RPL19: variants seen among roughly 807,000 people sequenced by gnomAD.
RPL19 encodes large ribosomal subunit protein eL19.
RPL19 carries 2 observed loss-of-function variants against 25.1 expected under a neutral mutation model. That is an observed-to-expected ratio of 0.08 (90% confidence interval 0.03 to 0.25). The LOEUF is 0.25. Ranked by LOEUF, RPL19 falls within the 10% of genes least tolerant of loss-of-function variation. The probability of loss-of-function intolerance (pLI) is 1.00; values close to 1 mark genes in which losing one functional copy is unlikely to be tolerated. For synonymous variants in RPL19, 89 were observed against 91.2 expected, an observed-to-expected ratio of 0.98 and a Z score of 0.14; for missense variants, 123 against 271.8, an observed-to-expected ratio of 0.45 and a Z score of 3.85.
chr17:39,200,702 G>A (rs944107273), intron 1 of RPL19: 1 of 1,093,448 alleles, frequency 9.1e-7, no homozygotes, highest in African/African-American at 1.6e-5. Flanking sequence ...GTGATGTAGG[G>A]CAAGCCTAGT....
In RPL19 at chr17:39,200,518, G is replaced by T. The variant is rs567678642; in HGVS notation, c.5+169G>T. Reference sequence around the variant, plus strand: ...TTTCGTCCCGGGCCTCCGGAGTGAGGGGGGGCGGGGAGCGTCGCAGCAACT... The same window carrying T: ...TTTCGTCCCGGGCCTCCGGAGTGAGTGGGGGCGGGGAGCGTCGCAGCAACT... On this transcript the variant is annotated intron_variant, in intron 1 of 5. Coordinates refer to ENST00000225430, the MANE Select transcript of RPL19 (RefSeq NM_000981.4). 7 of 1,299,284 alleles carry T rather than the reference G, an allele frequency of 5.4e-6. No individual in the cohort carries two copies. In the East Asian group the frequency reaches 9.2e-5, roughly 17 times the overall value. The allele number at this position is 1,299,284 out of a possible 1,614,324, so 80.5% of individuals were successfully genotyped here. A position where few individuals can be genotyped will look rare whatever the true frequency, so the allele number is the denominator to read the frequency against.
chr17:39,201,400 CTT>C (rs111516501), intron 2 of RPL19, 81 bp downstream of exon 2: 6,058 of 604,904 alleles, frequency 0.01, 2 homozygotes, highest in African/African-American at 0.017. Flanking sequence ...ATTGTGTTGA[CTT>C]TTTTTTTTTT....
At position 39,200,368 on chromosome 17, in the gene RPL19, C is replaced by T. The variant is rs146700565; in HGVS notation, c.5+19C>T. 4.3e-4 allele frequency: 674 copies of T among 1,563,854 alleles called. 2 individuals carry two copies. The highest frequency in any genetic ancestry group is 8.8e-4 in the Middle Eastern group (4 of 4,568). On this transcript the variant is annotated intron_variant, in intron 1 of 5. Transcript: ENST00000225430. Reference sequence around the variant, plus strand: ...CCATGAGGTGAGGGCGAGCTGGTCTCCATCAGGCGCTGACGCGTGTCGACA... The same window carrying T: ...CCATGAGGTGAGGGCGAGCTGGTCTTCATCAGGCGCTGACGCGTGTCGACA...
At chr17:39,201,446 AGTGTAGTG>A in intron 2 of RPL19, 127 bp downstream of exon 2, 2 of 630,426 alleles carry the variant, frequency 3.2e-6, no homozygotes, top group Non-Finnish European at 5.5e-6. Context: ...TCCAGGCTGG[AGTGTAGTG>A]GTGCCATCTG....
intron 2 of RPL19, among the ~76,000 whole-genome samples, 169 bp from the exon 3 acceptor site, chr17:39,202,148 A>G (rs2046294590): frequency 6.6e-6 from 1 of 152,184 alleles, no homozygotes; most frequent in African/African-American, 2.4e-5. Context: ...GGAAAAAGAA[A>G]AGATAGAGGT....
chr17:39,200,801 G>C (rs1002611979), intron 1 of RPL19: 11 of 1,017,064 alleles, frequency 1.1e-5, no homozygotes, highest in Non-Finnish European at 1.3e-5. Flanking sequence ...GGAAATCTCT[G>C]CGAATAGCCG....
chr17:39,203,535 G>A (rs992389410), intron 4 of RPL19, among the ~76,000 whole-genome samples: 3 of 147,702 alleles, frequency 2.0e-5, no homozygotes, highest in Non-Finnish European at 4.5e-5. Flanking sequence ...TTTGGAGACA[G>A]AGTCTCGCTC....
intron 2 of RPL19, among the ~76,000 whole-genome samples, chr17:39,201,790 T>C (rs2046292126): frequency 6.6e-6 from 1 of 152,056 alleles, no homozygotes; most frequent in South Asian, 2.1e-4. Flanking sequence ...CAGGCTGGTC[T>C]CAAACTCCTG....
chr17:39,200,708 C>A, intron 1 of RPL19: 1 of 1,086,702 alleles, frequency 9.2e-7, no homozygotes. Context: ...TAGGGCAAGC[C>A]TAGTGTAGGC....
intron 3 of RPL19, chr17:39,202,656 C>A: frequency 1.6e-6 from 1 of 621,004 alleles, no homozygotes. Context: ...CCTACCTACA[C>A]TATGCCAAGG....
At position 39,203,098 on chromosome 17, in the gene RPL19, C is replaced by G. The variant is rs577247319; in HGVS notation, c.345C>G (p.Ile115Met). 1 of 1,611,844 alleles carries G rather than the reference C, an allele frequency of 6.2e-7. No homozygotes were observed. The highest frequency in any genetic ancestry group is 8.5e-7 in the Non-Finnish European group (1 of 1,179,142). The change falls in exon 4 of 6, where the codon ATC becomes ATG. Residue 115 changes from isoleucine (I) to methionine (M), a missense_variant. Transcript: ENST00000225430. ...GAAGATACCGTGAATCTAAGAAGAT[C>G]GATCGCCACATGTAAGCACACCCTC... ...LLRRYRESKK[I>M]DRHMYHSLYL...
chr17:39,201,344 C>A, intron 2 of RPL19, 25 bp downstream of exon 2: 1 of 1,287,704 alleles, frequency 7.8e-7, no homozygotes, highest in Non-Finnish European at 1.1e-6. Flanking sequence ...TCTGTCTCTT[C>A]ACCCTACTTC....
chr17:39,202,577 C>A, intron 3 of RPL19, 138 bp downstream of exon 3: 1 of 1,128,670 alleles, frequency 8.9e-7, no homozygotes, highest in Non-Finnish European at 1.3e-6. Flanking sequence ...TGCCTGTGTG[C>A]AAATCAGAAA....
At chr17:39,204,262 C>G in intron 5 of RPL19, 75 bp downstream of exon 5, 1 of 1,001,436 alleles carries the variant, frequency 1.0e-6, no homozygotes, top group Non-Finnish European at 1.6e-6. Flanking sequence ...TAAAATGTGC[C>G]AATGCCTAAG....
chr17:39,200,761 A>C, intron 1 of RPL19: 1 of 1,046,000 alleles, frequency 9.6e-7, no homozygotes. Context: ...CTAACTCTTG[A>C]CTCCATTCAC....
Position 39,202,459 on chromosome 17 carries a change from C to T in RPL19, c.235+20C>T. On this transcript the variant is annotated intron_variant, in intron 3 of 5. Transcript: ENST00000225430. ...GCATAGGTAAGTGTGGTCATCTTCT[C>T]CTTAAGAAATGATAGGTGCTGGCAT... The T allele has an allele frequency of 1.2e-6, 2 of 1,613,924 alleles. No homozygotes were observed. Among genetic ancestry groups the T allele is most frequent in the Non-Finnish European group, 1.7e-6 (2 of 1,179,860 alleles).
intron 4 of RPL19, among the ~76,000 whole-genome samples, chr17:39,203,714 C>T (rs1013679420): frequency 1.3e-5 from 2 of 151,626 alleles, no homozygotes; most frequent in Non-Finnish European, 2.9e-5. Flanking sequence ...TCACCGTTGG[C>T]CAGGCTGGTC....
intron 1 of RPL19, among the ~76,000 whole-genome samples, chr17:39,200,915 C>T (rs566384946): frequency 6.6e-6 from 1 of 152,304 alleles, no homozygotes; most frequent in South Asian, 2.1e-4. Flanking sequence ...CTCGAATATT[C>T]TTTAAACGCT....
intron 2 of RPL19, 90 bp from the exon 3 acceptor site, chr17:39,202,227 A>C (rs1567821728): frequency 3.3e-6 from 5 of 1,516,480 alleles, no homozygotes; most frequent in Non-Finnish European, 4.5e-6. Context: ...TGGGGCCAAG[A>C]ATGTGAGCAG....
Sources: allele counts gnomAD v4.1 joint callset (sites outside exome capture counted in the v4.1 genomes callset), GRCh38; gene constraint gnomAD v4.1.1; transcripts MANE v1.5; gene names NCBI Gene and HGNC (gene_info 2026-07-23, HGNC 2026-07-21).